ABCA13: variants seen among roughly 807,000 people sequenced by gnomAD.
ABCA13 encodes ATP-binding cassette sub-family A member 13.
ABCA13 carries 476 observed loss-of-function variants against 478.7 expected under a neutral mutation model. The ratio of observed to expected loss-of-function variants is 0.99; its 90% CI spans 0.92 to 1.07. ABCA13 has a LOEUF of 1.07. Among genes scored for constraint, ABCA13 ranks in the 50% least tolerant of loss-of-function variants. The pLI is 0.00. For synonymous variants in ABCA13, 2,252 were observed against 2,158.9 expected (o/e 1.04, Z -1.20); for missense variants, 6,060 against 5,910.6 (o/e 1.03, Z -0.83).
chr7:48,452,099 C>T lies in ABCA13; in HGVS notation c.12566-2938C>T, dbSNP rs1264496288. On this transcript the variant is annotated intron_variant, in intron 42 of 61. Transcript: ENST00000435803. ...CTCATTTATGTCCAATTAACATATA[C>T]GGGAAGGTGGAGAAAATTTATTCTT... Among the ~76,000 whole-genome samples the T allele has an allele frequency of 3.9e-5, 6 of 152,066 alleles. No individual in the cohort carries two copies. The South Asian group carries it at 6.2e-4, about 16-fold the overall frequency.
chr7:48,626,982 A>G, intron 59 of ABCA13: 1 of 985,426 alleles, frequency 1.0e-6, no homozygotes. Context: ...TAAGTAGCTG[A>G]ACTCATCACA....
At chr7:48,506,833 C>G (rs187460363) in intron 49 of ABCA13, among the ~76,000 whole-genome samples, 10 of 152,262 alleles carry the variant, frequency 6.6e-5, no homozygotes, top group Non-Finnish European at 2.9e-5. Context: ...TCTTCAGGTA[C>G]AGAATTCTGT....
At chr7:48,442,347 G>C (rs900700645) in intron 42 of ABCA13, among the ~76,000 whole-genome samples, 2 of 152,102 alleles carry the variant, frequency 1.3e-5, no homozygotes, top group African/African-American at 4.8e-5. Flanking sequence ...CTAAACTGAG[G>C]TTTAGAGATG....
intron 48 of ABCA13, among the ~76,000 whole-genome samples, chr7:48,498,226 G>C (rs532802716): frequency 6.6e-6 from 1 of 152,268 alleles, no homozygotes; most frequent in African/African-American, 2.4e-5. Flanking sequence ...CAGTTTTGCT[G>C]GTGGTGTTTG....
At chr7:48,193,097 A>T in intron 2 of ABCA13, 45 bp downstream of exon 2, 1 of 1,354,362 alleles carries the variant, frequency 7.4e-7, no homozygotes, top group Non-Finnish European at 1.0e-6. Context: ...ACCTTTGGAG[A>T]AAAAAAACTC....
intron 42 of ABCA13, among the ~76,000 whole-genome samples, chr7:48,444,508 C>T (rs1472312560): frequency 2.0e-5 from 3 of 152,162 alleles, no homozygotes; most frequent in East Asian, 1.9e-4. Context: ...TCTTTGGACC[C>T]TATGACACAT....
chr7:48,485,599 C>T (rs528193528), intron 47 of ABCA13, among the ~76,000 whole-genome samples: 8 of 152,262 alleles, frequency 5.3e-5, no homozygotes, highest in African/African-American at 1.4e-4. Flanking sequence ...ATAAAGGAAC[C>T]GATCAGGAGT....
chr7:48,247,724 A>G (rs1306118579), intron 13 of ABCA13, among the ~76,000 whole-genome samples: 1 of 151,990 alleles, frequency 6.6e-6, no homozygotes, highest in Non-Finnish European at 1.5e-5. Context: ...ACCTCTCCAT[A>G]TGGCCTTTCA....
At chr7:48,628,287 C>T (rs1321818357) in intron 59 of ABCA13, among the ~76,000 whole-genome samples, 1 of 152,206 alleles carries the variant, frequency 6.6e-6, no homozygotes, top group East Asian at 1.9e-4. Context: ...CCTACAGCTA[C>T]ATGTGGCCGA....
intron 27 of ABCA13, among the ~76,000 whole-genome samples, chr7:48,331,330 T>C (rs1805366318): frequency 6.6e-6 from 1 of 152,214 alleles, no homozygotes; most frequent in South Asian, 2.1e-4. Flanking sequence ...AATCACAGGA[T>C]ATCTGAAAAT....
chr7:48,202,480 A>G (rs190809772), intron 3 of ABCA13, among the ~76,000 whole-genome samples: 6 of 143,714 alleles, frequency 4.2e-5, no homozygotes, highest in Admixed American at 4.2e-4. Context: ...TGAGCTAGAC[A>G]TAAAGATTCT....
chr7:48,240,889 G>C lies in ABCA13; in HGVS notation c.1085G>C (p.Gly362Ala), dbSNP rs1312695460. 1 of 1,583,764 alleles carries C rather than the reference G, an allele frequency of 6.3e-7. No individual in the cohort carries two copies. Among genetic ancestry groups the C allele is most frequent in the Non-Finnish European group, 8.6e-7 (1 of 1,162,572 alleles). Residue 362 changes from glycine (G) to alanine (A), a missense_variant, in exon 10 of 62, where the codon GGT becomes GCT. Transcript: ENST00000435803. ...TAGGTGTTTGTTCAGTGGCAACAGG[G>C]TAGCCTGCTTCAGAAGACACTCACA... ...YQQVFVQWQQ[G>A]SLLQKTLTGM...
chr7:48,465,542 A>AT (rs1422600219), intron 43 of ABCA13, among the ~76,000 whole-genome samples: 5 of 120,690 alleles, frequency 4.1e-5, no homozygotes, highest in Non-Finnish European at 8.8e-5. Context: ...TTTTTTTTGC[A>AT]TTTTCTGTTT....
chr7:48,397,810 C>A (rs927906257), intron 38 of ABCA13, among the ~76,000 whole-genome samples: 2 of 152,164 alleles, frequency 1.3e-5, no homozygotes, highest in African/African-American at 4.8e-5. Flanking sequence ...GCAAATTAAG[C>A]CTGAATTGAT....
intron 40 of ABCA13, among the ~76,000 whole-genome samples, chr7:48,411,019 C>CT (rs1221224512): frequency 1.7e-5 from 2 of 117,052 alleles, no homozygotes; most frequent in South Asian, 2.5e-4. Flanking sequence ...TTCTTTCTTT[C>CT]TTTCTTTCTT....
At chr7:48,640,224 G>C (rs1455467695) in intron 59 of ABCA13, among the ~76,000 whole-genome samples, 1 of 152,064 alleles carries the variant, frequency 6.6e-6, no homozygotes, top group Non-Finnish European at 1.5e-5. Context: ...TTTTAATTTG[G>C]GGGGAAGGAC....
rs368541817 is a variant in ABCA13, at chr7:48,273,035, A to G, written c.3369A>G (p.Pro1123=). 2.0e-5 allele frequency: 32 copies of G among 1,613,468 alleles called. No individual in the cohort carries two copies. The highest frequency in any genetic ancestry group is 2.7e-5 in the Non-Finnish European group (32 of 1,179,730). Residue 1123 remains proline (P), a synonymous_variant, in exon 17 of 62, where the codon CCA becomes CCG. Transcript: ENST00000435803. ...STSEESSFVF[P]LAQIFSNLSA... Reference sequence around the variant, plus strand: ...GTGAGGAGTCTTCATTTGTTTTTCCATTGGCACAAATTTTTTCAAACCTCT... The same window carrying G: ...GTGAGGAGTCTTCATTTGTTTTTCCGTTGGCACAAATTTTTTCAAACCTCT...
At position 48,269,002 on chromosome 7, in the gene ABCA13, T is replaced by A; in HGVS notation, c.2028T>A (p.Cys676Ter). ...RLLAFPEESPCFEENMDWKMI... is the reference protein window; with the variant it reads ...RLLAFPEESP The stretch of plus-strand genomic sequence containing the variant: ...TAGCTTTTCCTGAGGAATCTCCTTG[T>A]TTTGAAGAAAACATGGATTGGAAAA... Residue 676 changes from cysteine (C) to a stop codon, truncating the protein, a stop_gained, in exon 16 of 62, where the codon TGT becomes TGA. Transcript: ENST00000435803. LOFTEE classifies it high-confidence loss of function. 2 of 1,590,440 alleles carry A rather than the reference T, an allele frequency of 1.3e-6. No homozygotes were observed. The highest frequency in any genetic ancestry group is 1.7e-6 in the Non-Finnish European group (2 of 1,161,318).
intron 42 of ABCA13, among the ~76,000 whole-genome samples, chr7:48,445,743 G>T (rs898454875): frequency 1.3e-5 from 2 of 152,062 alleles, no homozygotes; most frequent in African/African-American, 4.8e-5. Context: ...TAACATCTTT[G>T]CCCAGTGAAA....
Sources: gnomAD v4.1 joint callset for allele counts (sites outside exome capture counted in the v4.1 genomes callset) on GRCh38, gnomAD v4.1.1 for gene constraint, MANE v1.5 for transcripts, NCBI Gene and HGNC (gene_info 2026-07-23, HGNC 2026-07-21) for gene names.